RBM25: variants seen among roughly 807,000 people sequenced by gnomAD.
The protein encoded by RBM25 is RNA-binding protein 25.
In RBM25, 19 loss-of-function variants were observed where a neutral mutation model predicts 120.7. That is an observed-to-expected ratio of 0.16 (90% CI 0.11 to 0.23). The LOEUF is 0.23. RBM25 is among the 10% of genes least tolerant of loss of function. The pLI, the probability that RBM25 is intolerant of heterozygous loss-of-function variation, is 1.00. For synonymous variants in RBM25, 390 were observed against 326.7 expected, an observed-to-expected ratio of 1.19 and a Z score of -2.09; for missense variants, 605 against 1,041.5, an observed-to-expected ratio of 0.58 and a Z score of 5.77.
chr14:73,069,746 TAAAAAAAAAAAAAAAAAAAAAAAAAAAA>T (rs57669015), intron 1 of RBM25: 2 of 44,154 alleles, frequency 4.5e-5, no homozygotes, highest in Non-Finnish European at 7.8e-5. Context: ...CCCTGTTTCT[TAAAAAAAAAAAAAAAAAAAAAAAAAAAA>T]AAAAAGTGTG....
chr14:73,107,964 C>T, intron 13 of RBM25, 65 bp downstream of exon 13: 2 of 1,103,498 alleles, frequency 1.8e-6, no homozygotes, highest in South Asian at 2.8e-5. Context: ...TCCATCTGCA[C>T]AGTTGATAAT....
chr14:73,060,217 T>C lies in RBM25; in HGVS notation c.-16+1512T>C, dbSNP rs1481642297. 1.3e-5 allele frequency among the ~76,000 whole-genome samples: 2 copies of C among 151,212 alleles called. 1 individual carries two copies. The highest frequency in any genetic ancestry group is 4.8e-5 in the African/African-American group (2 of 41,334). ...CCACGCCCGGCTAATTTTTGTAGTT[T>C]TAATAGAGGCGAGGTTTCACTATGT... On this transcript the variant is annotated intron_variant, in intron 1 of 18. Coordinates refer to ENST00000261973, the MANE Select transcript of RBM25 (RefSeq NM_021239.3).
In RBM25 at chr14:73,123,491, A is replaced by C. The variant is rs2140473025; in HGVS notation, c.*3686A>C. The C allele has an allele frequency of 6.6e-6, 1 of 152,306 alleles. No individual in the cohort carries two copies. Among genetic ancestry groups the C allele is most frequent in the South Asian group, 2.1e-4 (1 of 4,832 alleles). 9.4% of individuals were successfully genotyped at this position (152,306 alleles called of 1,614,324 possible). A position where few individuals can be genotyped will look rare whatever the true frequency, so the allele number is the denominator to read the frequency against. ...TTGAGAAATAGTTTTGCTCAACAAA[A>C]GATGATGAGGGATTGATTTGTGAAT... On this transcript the variant is annotated 3_prime_UTR_variant, in exon 19 of 19. Coordinates refer to ENST00000261973, the MANE Select transcript of RBM25 (RefSeq NM_021239.3).
rs1896517547 is a variant in RBM25 at position 73,120,327 on chromosome 14, GA to G, written c.*524del. 6.5e-6 allele frequency: 1 copy of G among 152,726 alleles called. No individual in the cohort carries two copies. The highest frequency in any genetic ancestry group is 2.1e-4 in the South Asian group (1 of 4,834). The allele number at this position is 152,726 out of a possible 1,614,324, so 9.5% of individuals were successfully genotyped here. A position where few individuals can be genotyped will look rare whatever the true frequency, so the allele number is the denominator to read the frequency against. The stretch of plus-strand genomic sequence containing the variant: ...ATCCATTCCTACTGTATTTCTGTAT[GA>G]ATGTGTTTGTGAATGTATGTGTAAA... On this transcript the variant is annotated 3_prime_UTR_variant, in exon 19 of 19. Coordinates refer to ENST00000261973, the MANE Select transcript of RBM25 (RefSeq NM_021239.3).
intron 2 of RBM25, among the ~76,000 whole-genome samples, chr14:73,072,300 AATAC>A (rs1256617824): frequency 6.6e-6 from 1 of 152,050 alleles, no homozygotes; most frequent in Non-Finnish European, 1.5e-5. Context: ...AAAAATGGGT[AATAC>A]ATACACATTG....
At chr14:73,088,812 T>A (rs928481627) in intron 6 of RBM25, among the ~76,000 whole-genome samples, 2 of 152,232 alleles carry the variant, frequency 1.3e-5, no homozygotes, top group African/African-American at 4.8e-5. Flanking sequence ...GAAGAGTCTT[T>A]CGCTGTCGTC....
chr14:73,114,692 G>A (rs1438881506), intron 18 of RBM25, among the ~76,000 whole-genome samples: 1 of 152,114 alleles, frequency 6.6e-6, no homozygotes, highest in Non-Finnish European at 1.5e-5. Flanking sequence ...TCAAGAGATC[G>A]AGACCATCCT....
chr14:73,104,464 G>T (rs1896137547), intron 10 of RBM25, among the ~76,000 whole-genome samples: 1 of 151,362 alleles, frequency 6.6e-6, no homozygotes, highest in South Asian at 2.1e-4. Context: ...TGCCTCCCAG[G>T]CTTAAGCAAT....
At chr14:73,093,174 T>C (rs916101354) in intron 6 of RBM25, among the ~76,000 whole-genome samples, 2 of 152,214 alleles carry the variant, frequency 1.3e-5, no homozygotes, top group African/African-American at 4.8e-5. Context: ...AAAACAGTTA[T>C]TCTCTGGAAA....
chr14:73,058,812 G>A (rs1271682499), intron 1 of RBM25, 107 bp downstream of exon 1: 2 of 143,094 alleles, frequency 1.4e-5, no homozygotes, highest in Admixed American at 7.0e-5. Flanking sequence ...TGGGGTAGAG[G>A]TAAGGGGGAG....
intron 1 of RBM25, among the ~76,000 whole-genome samples, chr14:73,066,566 G>A (rs868633447): frequency 4.5e-4 from 67 of 150,448 alleles, no homozygotes; most frequent in African/African-American, 1.6e-3. Context: ...CAGGAGAATC[G>A]CTTGAACCCG....
chr14:73,083,466 A>T, intron 4 of RBM25, 28 bp from the exon 5 acceptor site: 25 of 1,518,592 alleles, frequency 1.6e-5, no homozygotes, highest in Non-Finnish European at 2.2e-5. Context: ...AAATGGTAGC[A>T]ATCTGTTTGT....
intron 9 of RBM25, chr14:73,102,186 C>T (rs941004690): frequency 2.6e-5 from 4 of 152,148 alleles, no homozygotes; most frequent in Non-Finnish European, 4.4e-5. Flanking sequence ...TGAAACTAAA[C>T]GTGAAACAAA....
rs1419239451 is a variant in RBM25 at position 73,088,569 on chromosome 14, C to T, written c.543+408C>T. On this transcript the variant is annotated intron_variant, in intron 6 of 18. Transcript: ENST00000261973. ...TCTAAAATGAATGAAAGTCTGATTA[C>T]TTGCCTTAGGTTGGGGGCTTTATCC... 2.2e-5 allele frequency: 8 copies of T among 358,110 alleles called. No homozygotes were observed. In the East Asian group the frequency reaches 3.7e-4, roughly 16 times the overall value. The allele number at this position is 358,110 out of a possible 1,614,324, so 22.2% of individuals were successfully genotyped here. A position where few individuals can be genotyped will look rare whatever the true frequency, so the allele number is the denominator to read the frequency against.
rs1187326124 is a variant in RBM25, at chr14:73,103,381, C to T, written c.1057C>T (p.Arg353Trp). 5 of 1,611,066 alleles carry T rather than the reference C, an allele frequency of 3.1e-6. No homozygotes were observed. The highest frequency in any genetic ancestry group is 1.3e-5 in the African/African-American group (1 of 74,800). Residue 353 changes from arginine (R) to tryptophan (W), a missense_variant, in exon 10 of 19, where the codon CGG becomes TGG. Physicochemically the swap from Arg to Trp is moderately radical, Grantham distance 101 (BLOSUM62 -3). Coordinates refer to ENST00000261973, the MANE Select transcript of RBM25 (RefSeq NM_021239.3). ...ACGAGAACGGGATAGGGACCGTGACCGGACAAAAGAGAGAGACCGAGATCG... is the reference window on the plus strand; with the variant it reads ...ACGAGAACGGGATAGGGACCGTGACTGGACAAAAGAGAGAGACCGAGATCG... ...RERERDRDRD[R>W]TKERDRDRDR...
intron 5 of RBM25, 146 bp from the exon 6 acceptor site, chr14:73,087,855 A>C (rs564974058): frequency 4.1e-6 from 3 of 726,548 alleles, no homozygotes; most frequent in Non-Finnish European, 6.4e-6. Flanking sequence ...AATGGTTATC[A>C]AAGGGAATTG....
rs1185855491 is a variant in RBM25, at chr14:73,088,962, G to A, written c.543+801G>A. Among the ~76,000 whole-genome samples the A allele has an allele frequency of 2.6e-5, 4 of 152,140 alleles. No homozygotes were observed. In the East Asian group the frequency reaches 5.8e-4, roughly 22 times the overall value. ...TCGAGACCAGCCTGGCCAACGTGGC[G>A]AAACCCTGTCTCTACTAAAAATACA... On this transcript the variant is annotated intron_variant, in intron 6 of 18. Transcript: ENST00000261973.
In RBM25 at chr14:73,099,759, C is replaced by G; in HGVS notation, c.867+9C>G. The G allele has an allele frequency of 6.3e-7, 1 of 1,594,216 alleles. No individual in the cohort carries two copies. The highest frequency in any genetic ancestry group is 8.5e-7 in the Non-Finnish European group (1 of 1,174,614). On this transcript the variant is annotated intron_variant, in intron 9 of 18. Coordinates refer to ENST00000261973, the MANE Select transcript of RBM25 (RefSeq NM_021239.3). ...TCAGAGACACACATAAGGTAGTATT[C>G]TTGTCTTTTCACTTGATACCAATCT...
rs1371547726 is a variant in RBM25 at position 73,104,884 on chromosome 14, AC to A, written c.1155-972del. ...TTTCACCTAGTTGCTAGAACTGGAA[AC>A]CCAGAGCTCTCAACCTTCAGTAGGC... On this transcript the variant is annotated intron_variant, in intron 10 of 18. Transcript: ENST00000261973. 4.6e-5 allele frequency among the ~76,000 whole-genome samples: 7 copies of A among 152,268 alleles called. No individual in the cohort carries two copies. The East Asian group carries it at 1.3e-3, about 29-fold the overall frequency.
Sources: gnomAD v4.1 joint callset for allele counts (sites outside exome capture counted in the v4.1 genomes callset) on GRCh38, gnomAD v4.1.1 for gene constraint, MANE v1.5 for transcripts, NCBI Gene and HGNC (gene_info 2026-07-23, HGNC 2026-07-21) for gene names.